Variants in CTCF observed in about 807,000 individuals in gnomAD.
CTCF encodes CCCTC-binding factor.
Under a neutral mutation model 72.3 loss-of-function variants are expected in CTCF, and 7 were observed. That is an observed-to-expected ratio of 0.10 (90% CI 0.06 to 0.18). CTCF has a LOEUF of 0.18. Ranked by LOEUF, CTCF falls within the 10% of genes least tolerant of loss-of-function variation. The pLI is 1.00. For synonymous variants in CTCF, 374 were observed against 315.8 expected, an observed-to-expected ratio of 1.18 and a Z score of -1.95; for missense variants, 516 against 949.1, an observed-to-expected ratio of 0.54 and a Z score of 6.00.
chr16:67,628,546 A>G lies in CTCF; in HGVS notation c.1695A>G (p.Thr565=). 1 of 1,613,882 alleles carries G rather than the reference A, an allele frequency of 6.2e-7. No individual in the cohort carries two copies. Among genetic ancestry groups the G allele is most frequent in the African/African-American group, 1.3e-5 (1 of 75,036 alleles). The change falls in exon 9 of 12, where the codon ACA becomes ACG. Residue 565 remains threonine (T), a synonymous_variant. Coordinates refer to ENST00000264010, the MANE Select transcript of CTCF (RefSeq NM_006565.4). The part of the protein sequence containing the change: ...FVCSKCGKTF[T]RRNTMARHAD... The stretch of plus-strand genomic sequence containing the variant: ...GTTCTAAGTGTGGGAAAACATTTAC[A>G]CGTCGGGTAAGGGTCAGAACTTCAC...
chr16:67,601,809 A>G (rs1391553789), intron 2 of CTCF, among the ~76,000 whole-genome samples: 5 of 145,464 alleles, frequency 3.4e-5, no homozygotes, highest in Admixed American at 3.4e-4. Context: ...TTCTTTTTCT[A>G]CCTGGTTTAT....
rs1243313850 is a variant in CTCF, at chr16:67,610,946, C to T, written c.114C>T (p.Cys38=). ...AAGGGGGCCAGGAAGAAGATGCCTG[C>T]CACTTACCCCAGAACCAGACGGATG... ...RREGGQEEDA[C]HLPQNQTDGG... The change falls in exon 3 of 12, where the codon TGC becomes TGT. Residue 38 remains cysteine, a synonymous_variant. Transcript: ENST00000264010. The T allele has an allele frequency of 6.4e-7, 1 of 1,567,062 alleles. No individual in the cohort carries two copies. Among genetic ancestry groups the T allele is most frequent in the East Asian group, 2.3e-5 (1 of 44,086 alleles).
chr16:67,634,606 C>T (rs563572596), intron 10 of CTCF, among the ~76,000 whole-genome samples: 2 of 151,546 alleles, frequency 1.3e-5, no homozygotes, highest in African/African-American at 4.8e-5. Context: ...CAGCCTCTAC[C>T]TCCCTGGCTT....
At chr16:67,615,860 C>T (rs2052125782) in intron 4 of CTCF, 1 of 152,314 alleles carries the variant, frequency 6.6e-6, no homozygotes, top group East Asian at 1.9e-4. Flanking sequence ...ATCATTTCTG[C>T]AGATGGCTGG....
chr16:67,591,380 G>A (rs896213502), intron 2 of CTCF, among the ~76,000 whole-genome samples: 10 of 152,150 alleles, frequency 6.6e-5, no homozygotes, highest in Admixed American at 2.6e-4. Flanking sequence ...GGCTGCTTCC[G>A]TTCCCAGTCA....
In CTCF at chr16:67,623,780, T is replaced by C. The variant is rs1442563557; in HGVS notation, c.1357+2189T>C. Among the ~76,000 whole-genome samples, 3 of 152,122 alleles carry C rather than the reference T, an allele frequency of 2.0e-5. No individual in the cohort carries two copies. The South Asian group carries it at 6.2e-4, about 32-fold the overall frequency. On this transcript the variant is annotated intron_variant, in intron 7 of 11. Transcript: ENST00000264010. The stretch of plus-strand genomic sequence containing the variant: ...TAAATAAAAATATAGCCGGGCACGG[T>C]GGCTCACGCCTCTAATCCCAGCACT...
At chr16:67,623,912 G>T (rs1262349820) in intron 7 of CTCF, among the ~76,000 whole-genome samples, 1 of 151,966 alleles carries the variant, frequency 6.6e-6, no homozygotes, top group Non-Finnish European at 1.5e-5. Flanking sequence ...GCCGGGTGTG[G>T]TGGCACATGC....
intron 2 of CTCF, among the ~76,000 whole-genome samples, chr16:67,582,538 T>C (rs1028956490): frequency 6.6e-6 from 1 of 151,784 alleles, no homozygotes; most frequent in Admixed American, 6.6e-5. Context: ...ACTAAAAATA[T>C]AAAAATCAGC....
intron 10 of CTCF, among the ~76,000 whole-genome samples, chr16:67,633,260 GGT>G (rs35324726): frequency 0.28 from 42,234 of 151,954 alleles, 10,326 homozygotes; most frequent in African/African-American, 0.66. Flanking sequence ...TTGATCCCCA[GGT>G]GTCACTATTA....
intron 2 of CTCF, among the ~76,000 whole-genome samples, chr16:67,610,271 G>A (rs1027262194): frequency 1.3e-5 from 2 of 151,818 alleles, no homozygotes; most frequent in African/African-American, 4.8e-5. Context: ...AATTGGGTTG[G>A]ATCTAGAGAC....
intron 2 of CTCF, among the ~76,000 whole-genome samples, chr16:67,602,547 G>GT (rs1203469300): frequency 6.6e-6 from 1 of 151,976 alleles, no homozygotes; most frequent in Non-Finnish European, 1.5e-5. Context: ...CTCTTAAAAA[G>GT]TTTTTTTCTG....
intron 2 of CTCF, among the ~76,000 whole-genome samples, chr16:67,593,741 A>T (rs1351691646): frequency 1.3e-5 from 2 of 152,194 alleles, no homozygotes; most frequent in African/African-American, 4.8e-5. Context: ...GGTTTTTAGC[A>T]ATCAGTTGCC....
intron 9 of CTCF, 138 bp from the exon 10 acceptor site, chr16:67,629,260 C>A: frequency 1.3e-6 from 1 of 742,712 alleles, no homozygotes; most frequent in Non-Finnish European, 2.1e-6. Context: ...TTCCCCTGAG[C>A]AGAGACAGCG....
At chr16:67,604,737 T>TG (rs945133865) in intron 2 of CTCF, among the ~76,000 whole-genome samples, 7 of 136,874 alleles carry the variant, frequency 5.1e-5, no homozygotes, top group African/African-American at 2.0e-4. Context: ...AGGGTTTTTT[T>TG]TTTTTTTGTT....
intron 2 of CTCF, among the ~76,000 whole-genome samples, chr16:67,573,120 C>T (rs965383275): frequency 7.3e-5 from 11 of 150,856 alleles, no homozygotes; most frequent in Non-Finnish European, 1.3e-4. Context: ...GGTGTAGTGG[C>T]GGGAACCTGT....
At chr16:67,615,538 C>G (rs567463950) in intron 4 of CTCF, 2 of 152,298 alleles carry the variant, frequency 1.3e-5, no homozygotes, top group Admixed American at 1.3e-4. Context: ...TCACTTGAGC[C>G]TGGGAAGTCA....
chr16:67,632,997 A>G (rs1355526913), intron 10 of CTCF, among the ~76,000 whole-genome samples: 2 of 152,192 alleles, frequency 1.3e-5, no homozygotes, highest in Non-Finnish European at 2.9e-5. Flanking sequence ...CTGCCTGCAG[A>G]TGTGGGCGCC....
At chr16:67,625,974 T>A (rs1186488198) in intron 7 of CTCF, among the ~76,000 whole-genome samples, 2 of 152,088 alleles carry the variant, frequency 1.3e-5, no homozygotes, top group Admixed American at 1.3e-4. Flanking sequence ...TTCAACTGCT[T>A]CCATCTCTCA....
At chr16:67,609,959 C>T (rs920165758) in intron 2 of CTCF, among the ~76,000 whole-genome samples, 3 of 152,098 alleles carry the variant, frequency 2.0e-5, no homozygotes, top group African/African-American at 7.2e-5. Flanking sequence ...GAGGACTGAC[C>T]TGTGTCTTGG....
Sources: allele counts gnomAD v4.1 joint callset (sites outside exome capture counted in the v4.1 genomes callset), GRCh38; gene constraint gnomAD v4.1.1; transcripts MANE v1.5; gene names NCBI Gene and HGNC (gene_info 2026-07-23, HGNC 2026-07-21).